Variants in CDK12 observed in about 807,000 individuals in gnomAD.
CDK12 encodes cyclin-dependent kinase 12.
A neutral mutation model predicts 133.8 loss-of-function variants in CDK12; 17 were observed. The observed-to-expected ratio is 0.13, with a 90% CI of 0.09 to 0.19. The LOEUF (loss-of-function observed/expected upper bound fraction) is 0.19. Among genes scored for constraint, CDK12 ranks in the 10% least tolerant of loss-of-function variants. The probability of loss-of-function intolerance (pLI) is 1.00; values close to 1 mark genes in which losing one functional copy is unlikely to be tolerated. For missense variants in CDK12, 1,508 were observed against 1,818.7 expected (o/e 0.83, Z 3.11); for synonymous variants, 694 against 683.6 (o/e 1.02, Z -0.24).
intron 1 of CDK12, among the ~76,000 whole-genome samples, chr17:39,541,526 G>A (rs942463786): frequency 7.9e-5 from 12 of 151,972 alleles, no homozygotes; most frequent in Non-Finnish European, 1.5e-4. Context: ...CACCATGCCT[G>A]GCTAATTTTT....
At chr17:39,484,024 A>G (rs933368700) in intron 2 of CDK12, among the ~76,000 whole-genome samples, 13 of 152,086 alleles carry the variant, frequency 8.5e-5, no homozygotes, top group African/African-American at 2.9e-4. Context: ...TTGTATTTTT[A>G]GAAGAGACAG....
chr17:39,565,293 T>A (rs2056530397), downstream of CDK12, among the ~76,000 whole-genome samples: 1 of 151,984 alleles, frequency 6.6e-6, no homozygotes, highest in Non-Finnish European at 1.5e-5. Flanking sequence ...TTTTAGTATT[T>A]TTAGTAGAGA....
intron 6 of CDK12, among the ~76,000 whole-genome samples, chr17:39,505,739 C>T (rs2053074943): frequency 6.6e-6 from 1 of 151,992 alleles, no homozygotes; most frequent in Admixed American, 6.6e-5. Context: ...CAACCAAAAA[C>T]AAATAAAAAA....
At position 39,531,818 on chromosome 17, in the gene CDK12, G is replaced by C; in HGVS notation, c.*502G>C. The C allele has an allele frequency of 4.3e-6, 1 of 234,066 alleles. No homozygotes were observed. The highest frequency in any genetic ancestry group is 8.5e-6 in the Non-Finnish European group (1 of 118,318). 14.5% of individuals were successfully genotyped at this position (234,066 alleles called of 1,614,324 possible). A position where few individuals can be genotyped will look rare whatever the true frequency, so the allele number is the denominator to read the frequency against. On this transcript the variant is annotated 3_prime_UTR_variant, in exon 14 of 14. Coordinates refer to ENST00000447079, the MANE Select transcript of CDK12 (RefSeq NM_016507.4). ...AAATTTGAGCTGCTCTTTGGCTTTT[G>C]CTATAAGGGAAACAGAGTGGCCTGG...
At chr17:39,496,544 A>G (rs933858471) in intron 5 of CDK12, among the ~76,000 whole-genome samples, 1 of 152,100 alleles carries the variant, frequency 6.6e-6, no homozygotes, top group Non-Finnish European at 1.5e-5. Context: ...TACTAAAAAT[A>G]CAATAATTAG....
intron 3 of CDK12, among the ~76,000 whole-genome samples, chr17:39,564,181 T>C (rs2056491859): frequency 6.6e-6 from 1 of 152,208 alleles, no homozygotes; most frequent in African/African-American, 2.4e-5. Flanking sequence ...CTTTGTAGTC[T>C]TAATAGGTCA....
intron 1 of CDK12, among the ~76,000 whole-genome samples, chr17:39,469,825 C>A (rs1284403726): frequency 1.3e-5 from 2 of 151,530 alleles, no homozygotes; most frequent in South Asian, 2.1e-4. Context: ...TTAGTAGAGA[C>A]GGGGTTTCTC....
At chr17:39,496,421 C>T (rs1321270187) in intron 5 of CDK12, among the ~76,000 whole-genome samples, 1 of 151,962 alleles carries the variant, frequency 6.6e-6, no homozygotes. Context: ...AATAATAGGC[C>T]AGGTGCAGTG....
At chr17:39,495,775 A>G (rs1411446100) in intron 5 of CDK12, among the ~76,000 whole-genome samples, 1 of 150,290 alleles carries the variant, frequency 6.7e-6, no homozygotes, top group Non-Finnish European at 1.5e-5. Context: ...AGCCTGGGCA[A>G]TAGAGCGAGA....
rs1344817672 is a variant in CDK12, at chr17:39,471,691, C to T, written c.1859C>T (p.Pro620Leu). ...KTQVSVTAAI[P>L]HLKTSTLPPL... Reference sequence around the variant, plus strand: ...CAAGTATCTGTAACAGCTGCTATTCCACACCTGAAAACTTCAACGTTGCCT... The same window carrying T: ...CAAGTATCTGTAACAGCTGCTATTCTACACCTGAAAACTTCAACGTTGCCT... Residue 620 changes from proline (P) to leucine (L), a missense_variant, in exon 2 of 14, where the codon CCA becomes CTA. By Grantham distance (98) the Pro-to-Leu change is moderately conservative. Around this residue, in one of 9 missense-constraint regions of CDK12, gnomAD observed 347 missense variants for 330.8 expected, o/e 1.05. Transcript: ENST00000447079. 1 of 1,614,114 alleles carries T rather than the reference C, an allele frequency of 6.2e-7. No individual in the cohort carries two copies. Among genetic ancestry groups the T allele is most frequent in the African/African-American group, 1.3e-5 (1 of 75,050 alleles).
chr17:39,481,269 A>G (rs1597979705), intron 2 of CDK12, among the ~76,000 whole-genome samples: 1 of 150,886 alleles, frequency 6.6e-6, no homozygotes, highest in Non-Finnish European at 1.5e-5. Flanking sequence ...AAAAAAGAAA[A>G]AAAAAAAAGA....
rs2054468668 is a variant in CDK12 at position 39,525,887 on chromosome 17, C to T, written c.3331C>T (p.Leu1111=). The T allele has an allele frequency of 6.2e-7, 1 of 1,614,012 alleles. No homozygotes were observed. The highest frequency in any genetic ancestry group is 1.3e-5 in the African/African-American group (1 of 75,054). The change falls in exon 13 of 14, where the codon CTG becomes TTG. Residue 1111 remains leucine (L), a synonymous_variant. Coordinates refer to ENST00000447079, the MANE Select transcript of CDK12 (RefSeq NM_016507.4). The part of the protein sequence containing the change: ...AIGLADITQQ[L]NQSELAVLLN... Reference sequence around the variant, plus strand: ...AGGCCTTGCTGACATCACACAACAGCTGAATCAAAGTGAATTGGCAGTGTT... The same window carrying T: ...AGGCCTTGCTGACATCACACAACAGTTGAATCAAAGTGAATTGGCAGTGTT...
In CDK12 at chr17:39,511,567, G is replaced by A. The variant is rs2146373393; in HGVS notation, c.2705G>A (p.Arg902Gln). Residue 902 changes from arginine to glutamine, a missense_variant, in exon 8 of 14, where the codon CGA becomes CAA. Coordinates refer to ENST00000447079, the MANE Select transcript of CDK12 (RefSeq NM_016507.4). ...AACAAAGTCATTACTTTGTGGTACC[G>A]ACCTCCAGAACTACTGCTAGGAGAG... Reference protein sequence around the residue: ...YTNKVITLWYRPPELLLGEER... With the variant: ...YTNKVITLWYQPPELLLGEER... The A allele has an allele frequency of 1.2e-6, 2 of 1,612,312 alleles. No homozygotes were observed. The highest frequency in any genetic ancestry group is 1.7e-6 in the Non-Finnish European group (2 of 1,178,716).
At chr17:39,538,637 G>A (rs537314052), downstream of CDK12, among the ~76,000 whole-genome samples, 7 of 152,174 alleles carry the variant, frequency 4.6e-5, no homozygotes, top group Non-Finnish European at 1.0e-4. Context: ...GGTGGCTCAC[G>A]CCTGTAATCC....
chr17:39,474,378 G>T (rs532833615), intron 2 of CDK12, among the ~76,000 whole-genome samples: 1 of 152,252 alleles, frequency 6.6e-6, no homozygotes, highest in South Asian at 2.1e-4. Context: ...GAGTGCAGTG[G>T]TGTGATCTGG....
At chr17:39,510,902 C>T (rs1319226817) in intron 7 of CDK12, among the ~76,000 whole-genome samples, 8 of 140,632 alleles carry the variant, frequency 5.7e-5, no homozygotes, top group East Asian at 5.0e-4. Context: ...CGTGAGCCAC[C>T]GTGCCTGGCC....
At chr17:39,560,275 C>T (rs1052194695) in intron 3 of CDK12, among the ~76,000 whole-genome samples, 7 of 152,190 alleles carry the variant, frequency 4.6e-5, no homozygotes, top group Admixed American at 1.3e-4. Flanking sequence ...TGAACATTCA[C>T]GTACAGATTT....
chr17:39,472,622 C>T (rs1415914699), intron 2 of CDK12, among the ~76,000 whole-genome samples: 1 of 151,786 alleles, frequency 6.6e-6, no homozygotes, highest in African/African-American at 2.4e-5. Flanking sequence ...TGCAGCGAGC[C>T]AAGATTGCAT....
downstream of CDK12, among the ~76,000 whole-genome samples, chr17:39,539,395 C>A (rs2055304925): frequency 6.6e-6 from 1 of 152,170 alleles, no homozygotes; most frequent in Non-Finnish European, 1.5e-5. Context: ...ACTTTGAAGT[C>A]ATGAAACTGA....
Sources: allele counts gnomAD v4.1 joint callset (sites outside exome capture counted in the v4.1 genomes callset), GRCh38; gene constraint gnomAD v4.1.1; regional missense constraint gnomAD v4.1.1; transcripts MANE v1.5; gene names NCBI Gene and HGNC (gene_info 2026-07-23, HGNC 2026-07-21).